The following OCA2 variants were observed in gnomAD, a reference collection of about 807,000 sequenced individuals.
OCA2 encodes OCA2 melanosomal transmembrane protein, also known as P protein.
OCA2 carries 77 observed loss-of-function variants against 100.2 expected under a neutral mutation model. The ratio of observed to expected loss-of-function variants is 0.77; its 90% CI spans 0.64 to 0.93. The LOEUF is 0.93. OCA2 is among the 40% of genes least tolerant of loss of function. The pLI is 0.00. For missense variants in OCA2, 1,062 were observed against 1,089.1 expected (o/e 0.98, Z 0.35); for synonymous variants, 432 against 439.2 (o/e 0.98, Z 0.21).
intron 2 of OCA2, among the ~76,000 whole-genome samples, chr15:28,049,178 C>T (rs2043432980): frequency 6.6e-6 from 1 of 152,076 alleles, no homozygotes; most frequent in African/African-American, 2.4e-5. Context: ...CTTACATGAA[C>T]AGTTCTTCAA....
At chr15:27,792,293 A>T (rs1216518054) in intron 23 of OCA2, among the ~76,000 whole-genome samples, 2 of 150,218 alleles carry the variant, frequency 1.3e-5, no homozygotes, top group Non-Finnish European at 3.0e-5. Flanking sequence ...TTTTTCATTG[A>T]TCCATGCTTT....
chr15:27,845,160 A>C (rs539982421), intron 22 of OCA2, 108 bp from the exon 23 acceptor site: 2 of 881,178 alleles, frequency 2.3e-6, no homozygotes, highest in African/African-American at 3.3e-5. Context: ...TTTGATTATT[A>C]TTTTATAGTC....
chr15:28,073,569 A>C (rs2044331652), intron 2 of OCA2, among the ~76,000 whole-genome samples: 1 of 152,206 alleles, frequency 6.6e-6, no homozygotes, highest in Non-Finnish European at 1.5e-5. Context: ...ACATGAGTGT[A>C]GGAACAATAG....
At chr15:27,919,139 G>A (rs1361809379) in intron 19 of OCA2, among the ~76,000 whole-genome samples, 1 of 152,080 alleles carries the variant, frequency 6.6e-6, no homozygotes, top group Non-Finnish European at 1.5e-5. Flanking sequence ...GAGGTGCTAG[G>A]TATTGGGTAG....
intron 2 of OCA2, among the ~76,000 whole-genome samples, chr15:28,036,354 C>T (rs529708882): frequency 6.6e-6 from 1 of 152,244 alleles, no homozygotes; most frequent in South Asian, 2.1e-4. Flanking sequence ...GGTCCTTTTG[C>T]TGGAAGAGAG....
intron 21 of OCA2, among the ~76,000 whole-genome samples, chr15:27,862,827 G>GTCCC (rs2036186296): frequency 1.3e-5 from 2 of 152,130 alleles, no homozygotes; most frequent in Non-Finnish European, 2.9e-5. Flanking sequence ...ATATACAATA[G>GTCCC]TCCCCAAGGA....
At chr15:27,824,611 TATATATATATAATATA>T (rs1351210734) in intron 23 of OCA2, among the ~76,000 whole-genome samples, 1 of 125,092 alleles carries the variant, frequency 8.0e-6, no homozygotes, top group Admixed American at 8.5e-5. Flanking sequence ...TCTATATATA[TATATATATATAATATA>T]ATATATATAT....
At chr15:28,018,633 C>T in intron 6 of OCA2, 76 bp from the exon 7 acceptor site, 7 of 1,372,192 alleles carry the variant, frequency 5.1e-6, no homozygotes, top group Non-Finnish European at 7.1e-6. Context: ...GACGCACACC[C>T]TCCTCTGACA....
rs143659065 is a variant in OCA2 at position 28,027,123 on chromosome 15, C to T, written c.515+748G>A. ...AAGAACCCTTTCAAATGAACGGGCG[C>T]ATGGGAGGAAACCCATTAGATAAAT... is the stretch of plus-strand genomic sequence containing the variant. On this transcript the variant is annotated intron_variant, in intron 4 of 23. Transcript: ENST00000354638. Among the ~76,000 whole-genome samples the T allele has an allele frequency of 1.1e-4, 16 of 152,344 alleles. No homozygotes were observed. The East Asian group carries it at 3.1e-3, about 30-fold the overall frequency.
chr15:27,892,619 A>C (rs1201387694), intron 19 of OCA2, among the ~76,000 whole-genome samples: 2 of 152,172 alleles, frequency 1.3e-5, no homozygotes, highest in Non-Finnish European at 2.9e-5. Context: ...AGGAAATCTC[A>C]TATCAACAAT....
At chr15:28,048,649 C>T (rs2043414324) in intron 2 of OCA2, among the ~76,000 whole-genome samples, 1 of 151,800 alleles carries the variant, frequency 6.6e-6, no homozygotes, top group South Asian at 2.1e-4. Context: ...AAATCCCAAG[C>T]AATAACAGAA....
At chr15:27,948,865 C>G (rs1005328086) in intron 18 of OCA2, among the ~76,000 whole-genome samples, 3 of 152,154 alleles carry the variant, frequency 2.0e-5, no homozygotes, top group Non-Finnish European at 4.4e-5. Context: ...CGATCTGATT[C>G]CATGTATATG....
Position 27,851,579 on chromosome 15 carries a change from T to G in OCA2, c.2245-104A>C. On this transcript the variant is annotated intron_variant, in intron 21 of 23. Coordinates refer to ENST00000354638, the MANE Select transcript of OCA2 (RefSeq NM_000275.3). ...CCAAATGCTTTCTCAGCATTCAAACTCTAAGGAGCATAAGATTTGTGGAAA... is the reference window on the plus strand; with the variant it reads ...CCAAATGCTTTCTCAGCATTCAAACGCTAAGGAGCATAAGATTTGTGGAAA... 5.5e-6 allele frequency: 5 copies of G among 908,772 alleles called. No homozygotes were observed. In the East Asian group the frequency reaches 1.3e-4, roughly 24 times the overall value. 56.3% of individuals were successfully genotyped at this position (908,772 alleles called of 1,614,324 possible). A position where few individuals can be genotyped will look rare whatever the true frequency, so the allele number is the denominator to read the frequency against.
At chr15:27,869,224 T>C (rs111498637) in intron 21 of OCA2, among the ~76,000 whole-genome samples, 2,382 of 152,332 alleles carry the variant, frequency 0.016, 55 homozygotes, top group African/African-American at 0.05. Flanking sequence ...ATGTGGCTTC[T>C]GCCCCTGTGG....
chr15:27,991,434 G>A (rs564689143), intron 9 of OCA2, among the ~76,000 whole-genome samples: 22 of 152,352 alleles, frequency 1.4e-4, no homozygotes, highest in African/African-American at 4.6e-4. Context: ...GCTCGTGCAC[G>A]GATGAATGCT....
chr15:27,846,654 C>T (rs755812251), intron 22 of OCA2, among the ~76,000 whole-genome samples: 1 of 152,162 alleles, frequency 6.6e-6, no homozygotes, highest in African/African-American at 2.4e-5. Flanking sequence ...TCCTGATCTG[C>T]GAGGGACCAC....
chr15:27,755,820 G>A (rs1055140435), intron 23 of OCA2, among the ~76,000 whole-genome samples: 2 of 152,058 alleles, frequency 1.3e-5, no homozygotes, highest in Admixed American at 1.3e-4. Flanking sequence ...CTCTACTTGT[G>A]TCATCTTCCA....
chr15:27,867,581 T>C (rs2036375108), intron 21 of OCA2, among the ~76,000 whole-genome samples: 1 of 152,192 alleles, frequency 6.6e-6, no homozygotes, highest in Non-Finnish European at 1.5e-5. Context: ...AACCAGTCGC[T>C]GTGAAGTTAC....
intron 23 of OCA2, among the ~76,000 whole-genome samples, chr15:27,769,012 C>A (rs183092625): frequency 6.6e-6 from 1 of 152,208 alleles, no homozygotes; most frequent in Non-Finnish European, 1.5e-5. Context: ...GCTGCCAGGA[C>A]GACTCCAGAT....
Sources: allele counts gnomAD v4.1 joint callset (sites outside exome capture counted in the v4.1 genomes callset), GRCh38; gene constraint gnomAD v4.1.1; transcripts MANE v1.5; gene names NCBI Gene and HGNC (gene_info 2026-07-23, HGNC 2026-07-21).